PPP1R1C: variants seen among roughly 807,000 people sequenced by gnomAD.
The protein encoded by PPP1R1C is protein phosphatase 1 regulatory inhibitor subunit 1C.
A neutral mutation model predicts 17.4 loss-of-function variants in PPP1R1C; 15 were observed. That is an observed-to-expected ratio of 0.86 (90% CI 0.58 to 1.33). PPP1R1C has a LOEUF of 1.33. Among genes scored for constraint, PPP1R1C ranks in the 40% most tolerant of loss-of-function variants. The probability of loss-of-function intolerance (pLI) is 0.00; values close to 1 mark genes in which losing one functional copy is unlikely to be tolerated. For synonymous variants in PPP1R1C, 35 were observed against 43.1 expected, an observed-to-expected ratio of 0.81 and a Z score of 0.73; for missense variants, 143 against 130.0, an observed-to-expected ratio of 1.10 and a Z score of -0.48.
At chr2:182,015,474 T>A (rs561236929) in intron 2 of PPP1R1C, among the ~76,000 whole-genome samples, 9 of 152,020 alleles carry the variant, frequency 5.9e-5, no homozygotes, top group African/African-American at 1.9e-4. Flanking sequence ...TAATACAGAG[T>A]CTCTCCCTCT....
chr2:182,028,717 G>A (rs1461450445), intron 2 of PPP1R1C, among the ~76,000 whole-genome samples: 1 of 148,950 alleles, frequency 6.7e-6, no homozygotes, highest in Admixed American at 6.7e-5. Flanking sequence ...TTCTGTAGAT[G>A]TCTATTAGGT....
intron 2 of PPP1R1C, among the ~76,000 whole-genome samples, chr2:181,999,194 CAAA>C (rs1418415539): frequency 6.6e-6 from 1 of 151,928 alleles, no homozygotes; most frequent in African/African-American, 2.4e-5. Context: ...GTTTAGGACA[CAAA>C]AGAGAAAAAA....
chr2:182,080,111 C>T (rs1688430868), intron 4 of PPP1R1C, among the ~76,000 whole-genome samples: 1 of 152,192 alleles, frequency 6.6e-6, no homozygotes, highest in Non-Finnish European at 1.5e-5. Flanking sequence ...ATACATAAAG[C>T]ACTAGAACAA....
chr2:182,094,187 G>A (rs1688865147), intron 4 of PPP1R1C, among the ~76,000 whole-genome samples: 1 of 152,044 alleles, frequency 6.6e-6, no homozygotes, highest in African/African-American at 2.4e-5. Flanking sequence ...TGTGGATGGT[G>A]GCAGGCAAAA....
chr2:182,072,993 C>G (rs915412041), intron 4 of PPP1R1C, among the ~76,000 whole-genome samples: 1 of 152,200 alleles, frequency 6.6e-6, no homozygotes, highest in African/African-American at 2.4e-5. Context: ...CCTCTTCACT[C>G]CTGTCCTGCC....
intron 4 of PPP1R1C, among the ~76,000 whole-genome samples, chr2:182,095,437 G>A (rs761206140): frequency 1.3e-5 from 2 of 152,170 alleles, no homozygotes; most frequent in African/African-American, 2.4e-5. Flanking sequence ...AGAAGATGTA[G>A]CCATATGGTC....
At chr2:182,126,755 A>G (rs1445035829) in intron 5 of PPP1R1C, among the ~76,000 whole-genome samples, 2 of 152,048 alleles carry the variant, frequency 1.3e-5, no homozygotes, top group African/African-American at 4.8e-5. Flanking sequence ...GTAGGGGTGC[A>G]GCCACTTCCC....
intron 2 of PPP1R1C, among the ~76,000 whole-genome samples, chr2:182,027,357 T>C (rs935079405): frequency 6.2e-5 from 9 of 144,464 alleles, no homozygotes; most frequent in African/African-American, 2.1e-4. Flanking sequence ...CTGTCATAGA[T>C]AGCTCTTATT....
chr2:182,009,149 A>G (rs560277323), intron 2 of PPP1R1C, among the ~76,000 whole-genome samples: 16 of 152,182 alleles, frequency 1.1e-4, no homozygotes, highest in Admixed American at 8.5e-4. Flanking sequence ...CAAATTATCA[A>G]TGGGATTACT....
At chr2:182,066,076 T>A (rs958970554) in intron 4 of PPP1R1C, among the ~76,000 whole-genome samples, 1 of 151,942 alleles carries the variant, frequency 6.6e-6, no homozygotes, top group Non-Finnish European at 1.5e-5. Flanking sequence ...ACCCAGATAC[T>A]TTAATTCTAT....
chr2:182,054,735 A>C (rs1038462169), intron 2 of PPP1R1C, among the ~76,000 whole-genome samples: 3 of 152,094 alleles, frequency 2.0e-5, no homozygotes, highest in African/African-American at 7.2e-5. Context: ...ATCTCAGCTC[A>C]CTGCAGCCTC....
intron 2 of PPP1R1C, among the ~76,000 whole-genome samples, chr2:181,991,090 G>A (rs1275765665): frequency 6.8e-6 from 1 of 147,246 alleles, no homozygotes; most frequent in African/African-American, 2.5e-5. Context: ...TGCAATCACT[G>A]TTAAATGGAT....
intron 2 of PPP1R1C, among the ~76,000 whole-genome samples, chr2:182,009,906 T>C (rs1686040541): frequency 6.6e-6 from 1 of 152,096 alleles, no homozygotes; most frequent in Non-Finnish European, 1.5e-5. Flanking sequence ...TACGTTTTTT[T>C]CACTTTGGTC....
At chr2:182,094,415 C>T (rs1574447282) in intron 4 of PPP1R1C, among the ~76,000 whole-genome samples, 1 of 152,184 alleles carries the variant, frequency 6.6e-6, no homozygotes, top group Admixed American at 6.5e-5. Flanking sequence ...GAAAGTTAAA[C>T]ATTCAGTACA....
chr2:182,106,959 C>T (rs1051444161), intron 4 of PPP1R1C, among the ~76,000 whole-genome samples: 4 of 152,110 alleles, frequency 2.6e-5, no homozygotes, highest in Non-Finnish European at 4.4e-5. Flanking sequence ...GGAAAAACTC[C>T]TCCCATTTCA....
intron 2 of PPP1R1C, among the ~76,000 whole-genome samples, chr2:182,041,273 C>T (rs982719845): frequency 2.3e-4 from 35 of 152,016 alleles, no homozygotes; most frequent in Non-Finnish European, 4.0e-4. Flanking sequence ...AATATGTCAT[C>T]GACATTAGAT....
At chr2:182,077,831 G>T (rs1688358738) in intron 4 of PPP1R1C, among the ~76,000 whole-genome samples, 1 of 152,178 alleles carries the variant, frequency 6.6e-6, no homozygotes, top group Admixed American at 6.5e-5. Flanking sequence ...TGACCCTACA[G>T]CTCCCTCTGC....
At chr2:182,060,963 G>A (rs1687831974) in intron 2 of PPP1R1C, among the ~76,000 whole-genome samples, 1 of 152,128 alleles carries the variant, frequency 6.6e-6, no homozygotes. Flanking sequence ...GGAGCAATTA[G>A]TTCTTTCCAG....
At chr2:182,073,950 G>A (rs1038760063) in intron 4 of PPP1R1C, among the ~76,000 whole-genome samples, 1 of 152,032 alleles carries the variant, frequency 6.6e-6, no homozygotes, top group Non-Finnish European at 1.5e-5. Flanking sequence ...GGATAATTTT[G>A]AAGATTGCTT....
Sources: allele counts gnomAD v4.1 joint callset (sites outside exome capture counted in the v4.1 genomes callset), GRCh38; gene constraint gnomAD v4.1.1; transcripts MANE v1.5; gene names NCBI Gene and HGNC (gene_info 2026-07-23, HGNC 2026-07-21).